STAM: variants seen among roughly 807,000 people sequenced by gnomAD.
The protein encoded by STAM is signal transducing adapter molecule 1.
In STAM, 16 loss-of-function variants were observed where a neutral mutation model predicts 63.4. The observed-to-expected ratio is 0.25, with a 90% CI of 0.17 to 0.38. The LOEUF (loss-of-function observed/expected upper bound fraction) is 0.38, where lower values mean the gene tolerates loss of function less well. Among genes scored for constraint, STAM ranks in the 10% least tolerant of loss-of-function variants. STAM has a pLI of 1.00. For missense variants in STAM, 636 were observed against 657.1 expected (o/e 0.97, Z 0.35); for synonymous variants, 238 against 223.9 (o/e 1.06, Z -0.56).
intron 13 of STAM, among the ~76,000 whole-genome samples, chr10:17,709,748 G>C (rs1554829880): frequency 6.6e-6 from 1 of 151,512 alleles, no homozygotes; most frequent in African/African-American, 2.4e-5. Flanking sequence ...GATTGCCCAG[G>C]AATGCTCCTG....
At chr10:17,653,912 C>T (rs1554821843) in intron 1 of STAM, among the ~76,000 whole-genome samples, 1 of 152,088 alleles carries the variant, frequency 6.6e-6, no homozygotes, top group Admixed American at 6.5e-5. Context: ...TGTGATAAAA[C>T]TCTAATTGTA....
At chr10:17,675,580 G>A (rs950150270) in intron 2 of STAM, among the ~76,000 whole-genome samples, 19 of 151,886 alleles carry the variant, frequency 1.3e-4, no homozygotes, top group African/African-American at 4.1e-4. Flanking sequence ...ATAAAGTTTG[G>A]ACAACTATGT....
intron 13 of STAM, among the ~76,000 whole-genome samples, chr10:17,712,359 C>T (rs1466553008): frequency 6.6e-6 from 1 of 152,172 alleles, no homozygotes; most frequent in Non-Finnish European, 1.5e-5. Context: ...ATAGCCCATA[C>T]CATTGTCAAT....
chr10:17,660,748 T>C (rs1306732962), intron 2 of STAM, among the ~76,000 whole-genome samples, 200 bp downstream of exon 2: 1 of 152,144 alleles, frequency 6.6e-6, no homozygotes, highest in Non-Finnish European at 1.5e-5. Flanking sequence ...GGCAACATAG[T>C]GAGACCCCGT....
intron 2 of STAM, among the ~76,000 whole-genome samples, chr10:17,680,655 C>T (rs1835049609): frequency 6.6e-6 from 1 of 152,144 alleles, no homozygotes; most frequent in Admixed American, 6.5e-5. Flanking sequence ...AATCCTTCCA[C>T]CTTCATCTCC....
intron 2 of STAM, among the ~76,000 whole-genome samples, chr10:17,666,385 G>GTTTTTTTT (rs1425682476): frequency 4.9e-5 from 5 of 102,296 alleles, no homozygotes; most frequent in African/African-American, 1.5e-4. Flanking sequence ...CCTTGGCTTT[G>GTTTTTTTT]TATTTTTTTT....
Position 17,705,703 on chromosome 10 carries a change from C to G in STAM, c.1171C>G (p.Pro391Ala), listed in dbSNP as rs372136574. 2.1e-5 allele frequency: 34 copies of G among 1,613,578 alleles called. No individual in the cohort carries two copies. In the African/African-American group the frequency reaches 4.3e-4, roughly 20 times the overall value. ...YSMYAKLQNQ[P>A]YYMQSSGVSG... Reference sequence around the variant, plus strand: ...CATGTATGCAAAGTTACAGAATCAGCCATATTATATGCAGTCATCTGGTGT... The same window carrying G: ...CATGTATGCAAAGTTACAGAATCAGGCATATTATATGCAGTCATCTGGTGT... Residue 391 changes from proline to alanine, a missense_variant, in exon 12 of 14, where the codon CCA (proline) becomes GCA (alanine). By Grantham distance (27) the Pro-to-Ala change is conservative. Coordinates refer to ENST00000377524, the MANE Select transcript of STAM (RefSeq NM_003473.4).
Position 17,644,394 on chromosome 10 carries a change from C to G in STAM, c.40+15C>G, listed in dbSNP as rs200167112. On this transcript the variant is annotated intron_variant, in intron 1 of 13. Transcript: ENST00000377524. ...TCAGGATGTTGGTAAGTGTTTTTGC[C>G]TCTCCCTGCCCATTCCTCACCGGAC... 6.2e-7 allele frequency: 1 copy of G among 1,614,044 alleles called. No individual in the cohort carries two copies. The highest frequency in any genetic ancestry group is 1.1e-5 in the South Asian group (1 of 91,072).
In STAM at chr10:17,705,022, T is replaced by C; in HGVS notation, c.1053T>C (p.Asp351=). 3 of 1,613,206 alleles carry C rather than the reference T, an allele frequency of 1.9e-6. No homozygotes were observed. Among genetic ancestry groups the C allele is most frequent in the Non-Finnish European group, 2.5e-6 (3 of 1,179,422 alleles). ...TTGATGAAAAGCTGGAAGATATTGA[T>C]AGGTAAAAGAACATGGGTGCATTTA... The part of the protein sequence containing the change: ...PLIDEKLEDI[D]RKHSELSELN... The change falls in exon 11 of 14, where the codon GAT becomes GAC. Residue 351 remains aspartate (D), a splice_region_variant and synonymous_variant. Transcript: ENST00000377524.
At chr10:17,684,168 A>G (rs961197779) in intron 2 of STAM, among the ~76,000 whole-genome samples, 7 of 152,148 alleles carry the variant, frequency 4.6e-5, no homozygotes, top group African/African-American at 1.7e-4. Context: ...GGTTTTTCAG[A>G]AGGTCTTCAC....
intron 9 of STAM, among the ~76,000 whole-genome samples, chr10:17,701,041 A>G (rs1001850870): frequency 4.6e-5 from 7 of 152,214 alleles, no homozygotes; most frequent in African/African-American, 1.4e-4. Flanking sequence ...GAAACAATGT[A>G]TATTTTTAGT....
At chr10:17,662,919 GGAGATA>G (rs1382227454) in intron 2 of STAM, among the ~76,000 whole-genome samples, 2 of 152,230 alleles carry the variant, frequency 1.3e-5, no homozygotes, top group African/African-American at 4.8e-5. Context: ...TGTGCATTTT[GGAGATA>G]AAAGTTTTAT....
chr10:17,687,474 G>A (rs1564554006), intron 4 of STAM, among the ~76,000 whole-genome samples: 1 of 150,956 alleles, frequency 6.6e-6, no homozygotes, highest in East Asian at 1.9e-4. Flanking sequence ...CTGCCACAGG[G>A]TGAGACTCTG....
intron 2 of STAM, among the ~76,000 whole-genome samples, chr10:17,678,858 A>T (rs935720021): frequency 1.3e-5 from 2 of 152,076 alleles, no homozygotes; most frequent in African/African-American, 2.4e-5. Flanking sequence ...TAGATACCTC[A>T]TGGAAGTGGA....
chr10:17,699,186 A>G (rs76422696), intron 8 of STAM, among the ~76,000 whole-genome samples: 4,829 of 152,274 alleles, frequency 0.032, 93 homozygotes, highest in Middle Eastern at 0.14. Flanking sequence ...TCTTTTACAA[A>G]AGTTTTTAAT....
intron 5 of STAM, among the ~76,000 whole-genome samples, 194 bp downstream of exon 5, chr10:17,688,367 G>A (rs1389730328): frequency 6.6e-6 from 1 of 152,168 alleles, no homozygotes; most frequent in East Asian, 1.9e-4. Context: ...TGCCAGAAAA[G>A]TATTATAATG....
intron 1 of STAM, among the ~76,000 whole-genome samples, chr10:17,657,796 G>A (rs1215458837): frequency 1.3e-5 from 2 of 149,860 alleles, no homozygotes; most frequent in African/African-American, 4.9e-5. Flanking sequence ...CATGGGGTTT[G>A]TAGTGATGTC....
At chr10:17,681,891 CATG>C (rs1554825428) in intron 2 of STAM, among the ~76,000 whole-genome samples, 2 of 152,196 alleles carry the variant, frequency 1.3e-5, no homozygotes, top group Non-Finnish European at 2.9e-5. Context: ...AGCCTAAGCA[CATG>C]ATGTTTCGTA....
At chr10:17,674,778 A>T (rs1554824476) in intron 2 of STAM, among the ~76,000 whole-genome samples, 1 of 152,224 alleles carries the variant, frequency 6.6e-6, no homozygotes, top group Non-Finnish European at 1.5e-5. Flanking sequence ...TATCATAGTT[A>T]TCTTTGGAAT....
Sources: gnomAD v4.1 joint callset for allele counts (sites outside exome capture counted in the v4.1 genomes callset) on GRCh38, gnomAD v4.1.1 for gene constraint, MANE v1.5 for transcripts, NCBI Gene and HGNC (gene_info 2026-07-23, HGNC 2026-07-21) for gene names.